Variants in FER observed in about 807,000 individuals in gnomAD.
The protein encoded by FER is tyrosine-protein kinase Fer.
In FER, 63 loss-of-function variants were observed where a neutral mutation model predicts 111.0. That is an observed-to-expected ratio of 0.57 (90% CI 0.46 to 0.70). The LOEUF is 0.70. Among genes scored for constraint, FER ranks in the 30% least tolerant of loss-of-function variants. FER has a pLI of 0.00. For synonymous variants in FER, 327 were observed against 313.9 expected, an observed-to-expected ratio of 1.04 and a Z score of -0.44; for missense variants, 914 against 954.0, an observed-to-expected ratio of 0.96 and a Z score of 0.55.
intron 16 of FER, among the ~76,000 whole-genome samples, chr5:109,064,701 C>A (rs954902243): frequency 1.7e-4 from 26 of 152,156 alleles, no homozygotes; most frequent in Non-Finnish European, 7.3e-5. Context: ...AGGCAGGTGG[C>A]ATGGTGAGCA....
chr5:108,754,668 T>C (rs1158736227), intron 1 of FER, among the ~76,000 whole-genome samples: 1 of 152,162 alleles, frequency 6.6e-6, no homozygotes, highest in Non-Finnish European at 1.5e-5. Context: ...AGTACCTCAG[T>C]CTGTATTGTG....
intron 10 of FER, chr5:108,924,549 G>T: frequency 8.5e-7 from 1 of 1,175,456 alleles, no homozygotes; most frequent in Non-Finnish European, 1.1e-6. Flanking sequence ...TATGAAATAG[G>T]AGATCCAGAT....
chr5:108,913,323 C>G lies in FER; in HGVS notation c.1236+15475C>G, dbSNP rs1480447096. Among the ~76,000 whole-genome samples, 3 of 152,248 alleles carry G rather than the reference C, an allele frequency of 2.0e-5. No homozygotes were observed. In the South Asian group the frequency reaches 6.2e-4, roughly 32 times the overall value. On this transcript the variant is annotated intron_variant, in intron 10 of 19. Coordinates refer to ENST00000281092, the MANE Select transcript of FER (RefSeq NM_005246.4). ...TTTTTAGTTAAATGTGTGACTCACTCTACATATTCCTTGTATATAAATACC... is the reference window on the plus strand; with the variant it reads ...TTTTTAGTTAAATGTGTGACTCACTGTACATATTCCTTGTATATAAATACC...
At position 109,146,733 on chromosome 5, in the gene FER, CCAGAGATGCAGTACTGA is replaced by C. The variant is rs552634072; in HGVS notation, c.2049-34009_2049-33993del. ...TTTGAATGATTTAAATATCCATATG[CCAGAGATGCAGTACTGA>C]CAGAATGAACCACAGAGGTTAATAT... On this transcript the variant is annotated intron_variant, in intron 17 of 19. Coordinates refer to ENST00000281092, the MANE Select transcript of FER (RefSeq NM_005246.4). Among the ~76,000 whole-genome samples the C allele has an allele frequency of 4.4e-3, 664 of 152,036 alleles. 2 individuals are homozygous for C. Among genetic ancestry groups the C allele is most frequent in the South Asian group, 0.013 (63 of 4,814 alleles).
At chr5:108,914,231 C>CTGTGTG (rs35365353) in intron 10 of FER, among the ~76,000 whole-genome samples, 35 of 141,248 alleles carry the variant, frequency 2.5e-4, no homozygotes, top group Non-Finnish European at 3.1e-4. Context: ...ACTTGTCTCT[C>CTGTGTG]TGTGTGTGTG....
chr5:109,073,269 T>G (rs2149999759), intron 16 of FER, among the ~76,000 whole-genome samples: 1 of 152,240 alleles, frequency 6.6e-6, no homozygotes, highest in East Asian at 1.9e-4. Context: ...AAATCCATGA[T>G]ACATCTGATT....
At chr5:108,834,379 T>C (rs936112110) in intron 4 of FER, among the ~76,000 whole-genome samples, 3 of 152,152 alleles carry the variant, frequency 2.0e-5, no homozygotes, top group Admixed American at 6.5e-5. Context: ...TTGGTTCCAG[T>C]GTTGTCAACC....
chr5:109,097,673 C>T (rs1484200460), intron 16 of FER, among the ~76,000 whole-genome samples: 1 of 151,838 alleles, frequency 6.6e-6, no homozygotes, highest in Admixed American at 6.6e-5. Flanking sequence ...TTCAGTTTGT[C>T]ACTTAGTGGT....
chr5:108,924,830 C>A, intron 10 of FER: 1 of 1,220,048 alleles, frequency 8.2e-7, no homozygotes, highest in Non-Finnish European at 1.0e-6. Flanking sequence ...TACCCAGGGC[C>A]CCAGACATTA....
chr5:108,916,732 T>C (rs535300422), intron 10 of FER, among the ~76,000 whole-genome samples: 29 of 152,182 alleles, frequency 1.9e-4, no homozygotes, highest in African/African-American at 6.7e-4. Context: ...TAAAAGAAAA[T>C]TGCCAGAAAA....
intron 13 of FER, among the ~76,000 whole-genome samples, chr5:109,035,127 G>A (rs772636009): frequency 1.3e-4 from 19 of 149,854 alleles, no homozygotes; most frequent in Non-Finnish European, 2.7e-4. Context: ...TCTGCTTCCC[G>A]GGTTCAAGCG....
chr5:109,018,498 T>A (rs1767494583), intron 13 of FER, among the ~76,000 whole-genome samples: 1 of 151,788 alleles, frequency 6.6e-6, no homozygotes, highest in African/African-American at 2.4e-5. Context: ...TCTGTGTGGT[T>A]TGGTGGTGAA....
intron 16 of FER, among the ~76,000 whole-genome samples, chr5:109,100,037 T>G (rs1433113508): frequency 6.6e-6 from 1 of 151,762 alleles, no homozygotes; most frequent in Non-Finnish European, 1.5e-5. Flanking sequence ...CATAATAATA[T>G]AGTTTTCATG....
At chr5:109,021,785 G>T (rs577241131) in intron 13 of FER, among the ~76,000 whole-genome samples, 1 of 152,028 alleles carries the variant, frequency 6.6e-6, no homozygotes, top group African/African-American at 2.4e-5. Flanking sequence ...GAAACATGAC[G>T]TTGTGAAATG....
chr5:109,136,816 A>C (rs1752944022), intron 17 of FER, among the ~76,000 whole-genome samples: 1 of 152,126 alleles, frequency 6.6e-6, no homozygotes, highest in Non-Finnish European at 1.5e-5. Flanking sequence ...CTAATACTGG[A>C]GACACATGAG....
In FER at chr5:109,006,051, A is replaced by T. The variant is rs141641272; in HGVS notation, c.1657-31371A>T. On this transcript the variant is annotated intron_variant, in intron 13 of 19. Transcript: ENST00000281092. Reference sequence around the variant, plus strand: ...ATAGGAACATATCATGATTTTGTTTATGGTACTGCACAAAGCTACTTATAT... The same window carrying T: ...ATAGGAACATATCATGATTTTGTTTTTGGTACTGCACAAAGCTACTTATAT... 6.2e-4 allele frequency among the ~76,000 whole-genome samples: 95 copies of T among 152,346 alleles called. 1 individual carries two copies. The highest frequency in any genetic ancestry group is 2.2e-3 in the African/African-American group (92 of 41,586).
intron 3 of FER, among the ~76,000 whole-genome samples, chr5:108,821,845 C>A (rs970557065): frequency 7.9e-5 from 12 of 152,000 alleles, no homozygotes; most frequent in Admixed American, 2.0e-4. Context: ...GTTATTATTT[C>A]TTTTCATGAG....
chr5:109,196,110 A>C lies in FER; in HGVS notation c.*8535A>C, dbSNP rs1202875068. ...AGCAACAGCCCTGACTTCTTCAGGA[A>C]TCCAAGCAAATTGAAAGCCAAGACA... On this transcript the variant is annotated 3_prime_UTR_variant, in exon 20 of 20. Coordinates refer to ENST00000281092, the MANE Select transcript of FER (RefSeq NM_005246.4). 2 of 152,250 alleles carry C rather than the reference A, an allele frequency of 1.3e-5. No homozygotes were observed. Among genetic ancestry groups the C allele is most frequent in the African/African-American group, 4.8e-5 (2 of 41,470 alleles). 9.4% of individuals were successfully genotyped at this position (152,250 alleles called of 1,614,324 possible). A position where few individuals can be genotyped will look rare whatever the true frequency, so the allele number is the denominator to read the frequency against.
intron 17 of FER, among the ~76,000 whole-genome samples, chr5:109,141,684 C>T (rs919728482): frequency 5.3e-5 from 8 of 152,168 alleles, no homozygotes; most frequent in African/African-American, 1.9e-4. Flanking sequence ...TGTGCGCAGG[C>T]TCTGAAAGCT....
Sources: allele counts gnomAD v4.1 joint callset (sites outside exome capture counted in the v4.1 genomes callset), GRCh38; gene constraint gnomAD v4.1.1; transcripts MANE v1.5; gene names NCBI Gene and HGNC (gene_info 2026-07-23, HGNC 2026-07-21).